The following DOCK4 variants were observed in gnomAD, a reference collection of about 807,000 sequenced individuals.
DOCK4 encodes the protein dedicator of cytokinesis 4.
In DOCK4, 97 loss-of-function variants were observed where a neutral mutation model predicts 268.1. The ratio of observed to expected loss-of-function variants is 0.36; its 90% CI spans 0.31 to 0.43. The LOEUF (loss-of-function observed/expected upper bound fraction) is 0.43. Among genes scored for constraint, DOCK4 ranks in the 20% least tolerant of loss-of-function variants. DOCK4 has a pLI of 1.00. For missense variants in DOCK4, 2,145 were observed against 2,455.7 expected (o/e 0.87, Z 2.67); for synonymous variants, 954 against 887.2 (o/e 1.08, Z -1.34).
chr7:111,859,797 G>T (rs1033318019), intron 23 of DOCK4, among the ~76,000 whole-genome samples: 13 of 151,890 alleles, frequency 8.6e-5, no homozygotes, highest in African/African-American at 2.9e-4. Flanking sequence ...TCGATCTTCT[G>T]ACCTCGTGAT....
rs374659138 is a variant in DOCK4 at position 112,195,137 on chromosome 7, G to T, written c.37+10965C>A. On this transcript the variant is annotated intron_variant, in intron 1 of 52. Transcript: ENST00000428084. ...CTACTAAAAATACAAAACTTTGCTG[G>T]GCACAGTGGTGGGCACCTATAATCC... Among the ~76,000 whole-genome samples the T allele has an allele frequency of 8.5e-5, 13 of 152,148 alleles. No homozygotes were observed. In the East Asian group the frequency reaches 9.7e-4, roughly 11 times the overall value.
At chr7:111,897,789 TATCTC>T (rs1209642306) in intron 15 of DOCK4, among the ~76,000 whole-genome samples, 2 of 152,196 alleles carry the variant, frequency 1.3e-5, no homozygotes, top group African/African-American at 4.8e-5. Context: ...GTCTAACAGA[TATCTC>T]TGATTTAACA....
chr7:111,799,664 G>C (rs1423409202), intron 30 of DOCK4, among the ~76,000 whole-genome samples: 1 of 152,148 alleles, frequency 6.6e-6, no homozygotes, highest in East Asian at 1.9e-4. Flanking sequence ...TAAAAAATAA[G>C]TAACTAAGTA....
chr7:112,133,807 T>C (rs537712326), intron 1 of DOCK4, among the ~76,000 whole-genome samples: 1 of 152,342 alleles, frequency 6.6e-6, no homozygotes, highest in Admixed American at 6.5e-5. Context: ...AGACTGCTTC[T>C]TTGGAAGAGT....
At chr7:111,917,321 C>T (rs1211459686) in intron 12 of DOCK4, among the ~76,000 whole-genome samples, 1 of 151,958 alleles carries the variant, frequency 6.6e-6, no homozygotes, top group African/African-American at 2.4e-5. Context: ...AAAATATCTC[C>T]CATCTATATT....
chr7:112,153,289 A>G (rs1055811709), intron 1 of DOCK4, among the ~76,000 whole-genome samples: 1 of 152,170 alleles, frequency 6.6e-6, no homozygotes, highest in African/African-American at 2.4e-5. Flanking sequence ...AACATTTTAA[A>G]ATAGCCATTT....
At chr7:112,120,581 A>G (rs28742240) in intron 1 of DOCK4, among the ~76,000 whole-genome samples, 7,209 of 152,292 alleles carry the variant, frequency 0.047, 355 homozygotes, top group East Asian at 0.2. Context: ...TCTGAATTCT[A>G]TAAACCTGGT....
chr7:111,756,691 T>G (rs907094219), intron 41 of DOCK4, among the ~76,000 whole-genome samples: 2 of 151,936 alleles, frequency 1.3e-5, no homozygotes, highest in African/African-American at 4.8e-5. Context: ...TTAAACCAAG[T>G]GTATTCCCAA....
chr7:111,943,202 T>C (rs550612872), intron 10 of DOCK4, among the ~76,000 whole-genome samples: 1 of 152,340 alleles, frequency 6.6e-6, no homozygotes, highest in South Asian at 2.1e-4. Flanking sequence ...GACTCAACAT[T>C]CATTTTAATG....
chr7:112,004,230 T>C, intron 1 of DOCK4, 99 bp from the exon 2 acceptor site: 1 of 880,054 alleles, frequency 1.1e-6, no homozygotes, highest in Admixed American at 2.5e-5. Flanking sequence ...ATAGGAAGTA[T>C]AATTTGATAG....
rs1053327055 is a variant in DOCK4 at position 111,988,910 on chromosome 7, G to A, written c.464+105C>T. 1.5e-5 allele frequency: 22 copies of A among 1,443,942 alleles called. No homozygotes were observed. The African/African-American group carries it at 2.9e-4, about 19-fold the overall frequency. 89.4% of individuals were successfully genotyped at this position (1,443,942 alleles called of 1,614,324 possible). A position where few individuals can be genotyped will look rare whatever the true frequency, so the allele number is the denominator to read the frequency against. ...CTCCAAAAACAGGAAACATGAAAAA[G>A]CCCATAGGATTGCTTCCAGTGACAT... On this transcript the variant is annotated intron_variant, in intron 6 of 52. Coordinates refer to ENST00000428084, the MANE Select transcript of DOCK4 (RefSeq NM_001363540.2).
rs150167700 is a variant in DOCK4 at position 111,746,057 on chromosome 7, T to G, written c.4677+277A>C. Among the ~76,000 whole-genome samples, 1,517 of 152,348 alleles carry G rather than the reference T, an allele frequency of 1.0e-2. 16 individuals carry two copies. The highest frequency in any genetic ancestry group is 0.016 in the Admixed American group (251 of 15,300). ...ATATCTCTTATGTATATGCAAATATTTCAAAATCTGAAACACTTATGGTCC... is the reference window on the plus strand; with the variant it reads ...ATATCTCTTATGTATATGCAAATATGTCAAAATCTGAAACACTTATGGTCC... On this transcript the variant is annotated intron_variant, in intron 44 of 52. Transcript: ENST00000428084.
At chr7:112,059,500 G>A (rs956464409) in intron 1 of DOCK4, among the ~76,000 whole-genome samples, 1 of 152,086 alleles carries the variant, frequency 6.6e-6, no homozygotes, top group African/African-American at 2.4e-5. Context: ...ATTTAGAAAC[G>A]TACTCTTTCA....
At chr7:112,078,708 G>A (rs1309834156) in intron 1 of DOCK4, among the ~76,000 whole-genome samples, 5 of 152,258 alleles carry the variant, frequency 3.3e-5, no homozygotes, top group East Asian at 3.9e-4. Flanking sequence ...GAAAGCAGAG[G>A]CATAGGAACG....
intron 48 of DOCK4, 40 bp downstream of exon 48, chr7:111,739,356 C>G: frequency 6.3e-7 from 1 of 1,595,706 alleles, no homozygotes. Context: ...CTAGAAGGTT[C>G]TCTGGGCACC....
At position 111,989,224 on chromosome 7, in the gene DOCK4, C is replaced by A. The variant is rs1799305775; in HGVS notation, c.316-61G>T. The A allele has an allele frequency of 3.1e-6, 5 of 1,588,388 alleles. No homozygotes were observed. The Admixed American group carries it at 8.6e-5, about 27-fold the overall frequency. On this transcript the variant is annotated intron_variant, in intron 5 of 52. Coordinates refer to ENST00000428084, the MANE Select transcript of DOCK4 (RefSeq NM_001363540.2). ...GTACCTATACTGAGTTGTGGGGTAA[C>A]CAAAAAGGAAAGGGAAGAGGCCCAT...
At chr7:112,031,774 G>A (rs561627047) in intron 1 of DOCK4, among the ~76,000 whole-genome samples, 21 of 152,226 alleles carry the variant, frequency 1.4e-4, no homozygotes, top group African/African-American at 4.3e-4. Context: ...TAAATGAACC[G>A]CTGAAACATA....
chr7:111,789,204 A>G (rs946325593), intron 31 of DOCK4: 1 of 174,448 alleles, frequency 5.7e-6, no homozygotes, highest in African/African-American at 2.4e-5. Context: ...GGTTGCACTA[A>G]ATCTTTGCTG....
chr7:112,075,238 A>T (rs948442558), intron 1 of DOCK4, among the ~76,000 whole-genome samples: 6 of 152,240 alleles, frequency 3.9e-5, no homozygotes, highest in Non-Finnish European at 2.9e-5. Context: ...AAGTACCAAC[A>T]ACATATAAAA....
Sources: gnomAD v4.1 joint callset for allele counts (sites outside exome capture counted in the v4.1 genomes callset) on GRCh38, gnomAD v4.1.1 for gene constraint, MANE v1.5 for transcripts, NCBI Gene and HGNC (gene_info 2026-07-23, HGNC 2026-07-21) for gene names.